Variants in DOCK7 observed in about 807,000 individuals in gnomAD.
DOCK7 encodes the protein dedicator of cytokinesis 7.
Under a neutral mutation model 271.0 loss-of-function variants are expected in DOCK7, and 138 were observed. That is an observed-to-expected ratio of 0.51 (90% CI 0.44 to 0.59). The LOEUF (loss-of-function observed/expected upper bound fraction) is 0.59, where lower values mean the gene tolerates loss of function less well. Among genes scored for constraint, DOCK7 ranks in the 20% least tolerant of loss-of-function variants. The pLI is 0.00. For missense variants in DOCK7, 2,066 were observed against 2,592.4 expected, an observed-to-expected ratio of 0.80 and a Z score of 4.41; for synonymous variants, 823 against 876.1, an observed-to-expected ratio of 0.94 and a Z score of 1.07.
rs528279822 is a variant in DOCK7 at position 62,607,366 on chromosome 1, T to C, written c.1682+11340A>G. ...AAGCCTGGAACCCGGAAGACATCTC[T>C]GGCTTTTCACTCAACTTTGTAAACT... On this transcript the variant is annotated intron_variant, in intron 14 of 49. Transcript: ENST00000635253. Among the ~76,000 whole-genome samples, 3 of 152,362 alleles carry C rather than the reference T, an allele frequency of 2.0e-5. No individual in the cohort carries two copies. The South Asian group carries it at 6.2e-4, about 32-fold the overall frequency.
In DOCK7 at chr1:62,510,560, A is replaced by G. The variant is rs1424023602; in HGVS notation, c.4379+17T>C. 6.3e-7 allele frequency: 1 copy of G among 1,598,040 alleles called. No homozygotes were observed. Among genetic ancestry groups the G allele is most frequent in the Non-Finnish European group, 8.5e-7 (1 of 1,170,402 alleles). On this transcript the variant is annotated intron_variant, in intron 34 of 49. Coordinates refer to ENST00000635253, the MANE Select transcript of DOCK7 (RefSeq NM_001367561.1). ...TCAACACACCCATCAGTAACATAAA[A>G]TAGAAAGCTGTATTACTTGTCAAGC... is the stretch of plus-strand genomic sequence containing the variant.
chr1:62,582,781 A>T (rs1324183093), intron 16 of DOCK7, among the ~76,000 whole-genome samples: 1 of 152,100 alleles, frequency 6.6e-6, no homozygotes, highest in Non-Finnish European at 1.5e-5. Flanking sequence ...AAGGAAGAAA[A>T]ATGACAAGTC....
At chr1:62,488,898 T>C in intron 42 of DOCK7, 36 bp downstream of exon 42, 1 of 1,612,804 alleles carries the variant, frequency 6.2e-7, no homozygotes, top group Non-Finnish European at 8.5e-7. Context: ...GACAGTTTTT[T>C]CCCTTTATAG....
chr1:62,596,508 ATAT>A (rs1422439578), intron 14 of DOCK7, among the ~76,000 whole-genome samples: 6 of 152,102 alleles, frequency 3.9e-5, no homozygotes, highest in Non-Finnish European at 1.5e-5. Flanking sequence ...ATTTTTAGAA[ATAT>A]TATTAATTGG....
chr1:62,653,717 TA>T lies in DOCK7; in HGVS notation c.389+7del. 2.0e-6 allele frequency: 3 copies of T among 1,507,850 alleles called. No individual in the cohort carries two copies. Among genetic ancestry groups the T allele is most frequent in the Non-Finnish European group, 2.8e-6 (3 of 1,084,278 alleles). The allele number at this position is 1,507,850 out of a possible 1,614,324, so 93.4% of individuals were successfully genotyped here. On this transcript the variant is annotated splice_region_variant and intron_variant, in intron 4 of 49. Coordinates refer to ENST00000635253, the MANE Select transcript of DOCK7 (RefSeq NM_001367561.1). ...ATTTGTAAATGTTGTAATAAACATATAACTTACTTTCTGATGACAATTGCCC... is the reference window on the plus strand; with the variant it reads ...ATTTGTAAATGTTGTAATAAACATATACTTACTTTCTGATGACAATTGCCC...
chr1:62,535,133 A>G (rs186310071), intron 29 of DOCK7, among the ~76,000 whole-genome samples: 1 of 152,300 alleles, frequency 6.6e-6, no homozygotes, highest in East Asian at 1.9e-4. Flanking sequence ...CAAGGAATCA[A>G]ATAAAAGACC....
intron 14 of DOCK7, among the ~76,000 whole-genome samples, chr1:62,592,740 T>G: frequency 6.6e-6 from 1 of 152,086 alleles, no homozygotes; most frequent in Non-Finnish European, 1.5e-5. Flanking sequence ...TTTATCAACA[T>G]TTTTTGCCTT....
chr1:62,477,189 T>G (rs1489276629), intron 44 of DOCK7: 1 of 152,216 alleles, frequency 6.6e-6, no homozygotes, highest in East Asian at 1.9e-4. Flanking sequence ...GTTAGCCCAG[T>G]AAATATAAAA....
At chr1:62,570,561 A>G (rs1016191902) in intron 18 of DOCK7, among the ~76,000 whole-genome samples, 1 of 152,216 alleles carries the variant, frequency 6.6e-6, no homozygotes, top group Non-Finnish European at 1.5e-5. Flanking sequence ...GCTATTTTAA[A>G]ATTCACATGG....
At position 62,544,947 on chromosome 1, in the gene DOCK7, C is replaced by G; in HGVS notation, c.2859G>C (p.Gln953His). 1 of 1,548,566 alleles carries G rather than the reference C, an allele frequency of 6.5e-7. No homozygotes were observed. Among genetic ancestry groups the G allele is most frequent in the Non-Finnish European group, 8.7e-7 (1 of 1,145,616 alleles). Residue 953 changes from glutamine to histidine, a missense_variant and splice_region_variant, in exon 23 of 50, where the codon CAG becomes CAC. Gln to His is a conservative substitution (Grantham distance 24). Transcript: ENST00000635253. The stretch of plus-strand genomic sequence containing the variant: ...AAGAAACCTCTAATATAAACACCAC[C>G]TGTGTTGATTCTGCACTTGGACTGG... ...SNPSPSAEST[Q>H]AMDRSCNRMS...
At chr1:62,642,050 A>G (rs1306059118) in intron 7 of DOCK7, among the ~76,000 whole-genome samples, 1 of 151,178 alleles carries the variant, frequency 6.6e-6, no homozygotes, top group African/African-American at 2.4e-5. Context: ...GTCCATTTAT[A>G]CTTATTCTTA....
At chr1:62,520,940 A>G (rs1392437441) in intron 31 of DOCK7, among the ~76,000 whole-genome samples, 1 of 152,188 alleles carries the variant, frequency 6.6e-6, no homozygotes, top group Non-Finnish European at 1.5e-5. Context: ...GGATGAGTTC[A>G]TGTCCTTTGC....
chr1:62,617,852 A>T (rs1652649770), intron 14 of DOCK7, among the ~76,000 whole-genome samples: 1 of 152,036 alleles, frequency 6.6e-6, no homozygotes, highest in Admixed American at 6.6e-5. Context: ...AAGTAGTAAG[A>T]AGTACAGATC....
chr1:62,588,327 C>A (rs567154787), intron 14 of DOCK7, among the ~76,000 whole-genome samples: 1 of 152,210 alleles, frequency 6.6e-6, no homozygotes, highest in Admixed American at 6.5e-5. Flanking sequence ...AATGCCTATA[C>A]ACAGACCACT....
At chr1:62,657,298 T>G (rs1406308678) in intron 2 of DOCK7, among the ~76,000 whole-genome samples, 1 of 152,068 alleles carries the variant, frequency 6.6e-6, no homozygotes, top group East Asian at 1.9e-4. Flanking sequence ...TCCCTCCTGC[T>G]CAACAGTAAG....
intron 14 of DOCK7, among the ~76,000 whole-genome samples, chr1:62,614,588 T>A (rs1341508695): frequency 6.6e-6 from 1 of 151,972 alleles, no homozygotes; most frequent in African/African-American, 2.4e-5. Flanking sequence ...TCAAGTTGTA[T>A]AGTGCATGAG....
At chr1:62,487,212 C>A in intron 43 of DOCK7, 186 bp downstream of exon 43, 2 of 534,048 alleles carry the variant, frequency 3.7e-6, no homozygotes, top group Non-Finnish European at 6.7e-6. Flanking sequence ...CTGCCTACGA[C>A]CTCATAATAA....
At chr1:62,521,464 G>T (rs919506321) in intron 31 of DOCK7, among the ~76,000 whole-genome samples, 24 of 152,180 alleles carry the variant, frequency 1.6e-4, no homozygotes, top group African/African-American at 5.3e-4. Context: ...GGTCAACAGT[G>T]CCACCATACT....
At chr1:62,564,571 T>C (rs1017549892) in intron 18 of DOCK7, among the ~76,000 whole-genome samples, 6 of 152,260 alleles carry the variant, frequency 3.9e-5, no homozygotes, top group African/African-American at 9.6e-5. Context: ...GGGAAATTTA[T>C]AGCACTAAAT....
Sources: gnomAD v4.1 joint callset for allele counts (sites outside exome capture counted in the v4.1 genomes callset) on GRCh38, gnomAD v4.1.1 for gene constraint, MANE v1.5 for transcripts, NCBI Gene and HGNC (gene_info 2026-07-23, HGNC 2026-07-21) for gene names.